The following RAB11FIP3 variants were observed in gnomAD, a reference collection of about 807,000 sequenced individuals.
The protein encoded by RAB11FIP3 is RAB11 family interacting protein 3.
Under a neutral mutation model 77.8 loss-of-function variants are expected in RAB11FIP3, and 17 were observed. That is an observed-to-expected ratio of 0.22 (90% CI 0.15 to 0.33). The LOEUF (loss-of-function observed/expected upper bound fraction) is 0.33, where lower values mean the gene tolerates loss of function less well. Ranked by LOEUF, RAB11FIP3 falls within the 10% of genes least tolerant of loss-of-function variation. The probability of loss-of-function intolerance (pLI) is 1.00; values close to 1 mark genes in which losing one functional copy is unlikely to be tolerated. For missense variants in RAB11FIP3, 1,005 were observed against 1,011.2 expected, an observed-to-expected ratio of 0.99 and a Z score of 0.08; for synonymous variants, 437 against 448.2, an observed-to-expected ratio of 0.98 and a Z score of 0.31.
At chr16:482,931 A>C (rs2056076351) in intron 4 of RAB11FIP3, among the ~76,000 whole-genome samples, 195 bp downstream of exon 4, 1 of 152,136 alleles carries the variant, frequency 6.6e-6, no homozygotes, top group African/African-American at 2.4e-5. Flanking sequence ...TTGCCCGAGC[A>C]GTCTCCCTGT....
At chr16:427,184 A>T (rs1461646531) in intron 1 of RAB11FIP3, among the ~76,000 whole-genome samples, 1 of 152,220 alleles carries the variant, frequency 6.6e-6, no homozygotes, top group African/African-American at 2.4e-5. Flanking sequence ...GATCCTACTG[A>T]TAGACACCTA....
intron 3 of RAB11FIP3, among the ~76,000 whole-genome samples, chr16:479,346 C>G (rs992705673): frequency 3.3e-5 from 5 of 150,870 alleles, no homozygotes; most frequent in Admixed American, 2.0e-4. Context: ...GAGCCAAGAC[C>G]GCACGACTGC....
chr16:491,896 A>G (rs1188626493), intron 5 of RAB11FIP3, among the ~76,000 whole-genome samples: 1 of 152,264 alleles, frequency 6.6e-6, no homozygotes, highest in Non-Finnish European at 1.5e-5. Context: ...AGCTTTCCAC[A>G]GCAGCCCTAG....
intron 3 of RAB11FIP3, 185 bp from the exon 4 acceptor site, chr16:482,340 G>A (rs1275889228): frequency 2.8e-6 from 2 of 715,680 alleles, no homozygotes; most frequent in Non-Finnish European, 5.0e-6. Context: ...ACAGGCGTGA[G>A]TCACCGCGCC....
intron 1 of RAB11FIP3, among the ~76,000 whole-genome samples, chr16:442,196 C>T (rs952155486): frequency 1.3e-5 from 2 of 152,148 alleles, no homozygotes; most frequent in Non-Finnish European, 2.9e-5. Context: ...AGCGCAGTGG[C>T]TGTTTATAGG....
chr16:485,207 G>A (rs556944665), intron 4 of RAB11FIP3, among the ~76,000 whole-genome samples: 8 of 152,256 alleles, frequency 5.3e-5, no homozygotes, highest in African/African-American at 7.2e-5. Flanking sequence ...GTCAGTGAGC[G>A]TGGCTGTGTC....
intron 1 of RAB11FIP3, among the ~76,000 whole-genome samples, chr16:439,122 A>G (rs1261186472): frequency 6.6e-6 from 1 of 152,230 alleles, no homozygotes; most frequent in Admixed American, 6.5e-5. Flanking sequence ...CGTAGCTGGC[A>G]CTACAGGTGT....
Position 521,731 on chromosome 16 carries a change from G to C in RAB11FIP3, c.*892G>C, listed in dbSNP as rs183291067. 1.3e-5 allele frequency: 2 copies of C among 152,260 alleles called. No individual in the cohort carries two copies. The highest frequency in any genetic ancestry group is 4.8e-5 in the African/African-American group (2 of 41,438). 9.4% of individuals were successfully genotyped at this position (152,260 alleles called of 1,614,324 possible). On this transcript the variant is annotated 3_prime_UTR_variant, in exon 14 of 14. Coordinates refer to ENST00000262305, the MANE Select transcript of RAB11FIP3 (RefSeq NM_014700.4). ...CTTCTCCACAGGTGCGGCCTGGCCC[G>C]GCCTCCTAAAGGCCACACCCTCCCC...
chr16:475,589 C>T (rs80226184), intron 3 of RAB11FIP3, among the ~76,000 whole-genome samples: 1 of 152,166 alleles, frequency 6.6e-6, no homozygotes, highest in African/African-American at 2.4e-5. Context: ...CAGAAACCAA[C>T]CCGCAGGGCT....
chr16:449,831 A>T (rs2055378144), intron 1 of RAB11FIP3, among the ~76,000 whole-genome samples: 1 of 151,202 alleles, frequency 6.6e-6, no homozygotes, highest in Non-Finnish European at 1.5e-5. Flanking sequence ...GGCATCTGTA[A>T]TCCCAGCTGT....
intron 5 of RAB11FIP3, among the ~76,000 whole-genome samples, chr16:493,217 C>T (rs1326935739): frequency 6.7e-6 from 1 of 149,256 alleles, no homozygotes; most frequent in African/African-American, 2.5e-5. Context: ...TGCCACTGCA[C>T]TCCAGCCTGG....
intron 8 of RAB11FIP3, among the ~76,000 whole-genome samples, chr16:509,226 A>T (rs2141877818): frequency 6.6e-6 from 1 of 152,176 alleles, no homozygotes; most frequent in East Asian, 1.9e-4. Context: ...TGTCCTTCCC[A>T]CGCTTTCAGT....
At position 426,576 on chromosome 16, in the gene RAB11FIP3, C is replaced by T. The variant is rs559161763; in HGVS notation, c.570C>T (p.Thr190=). 1.3e-6 allele frequency: 2 copies of T among 1,595,666 alleles called. No homozygotes were observed. The highest frequency in any genetic ancestry group is 2.3e-5 in the East Asian group (1 of 43,732). Residue 190 remains threonine (T), a synonymous_variant, in exon 1 of 14, where the codon ACC becomes ACT. Transcript: ENST00000262305. The surrounding 1 kb of genome is among the most constrained non-coding windows in gnomAD (Gnocchi z 5.0). ...CGCAGCCCTCGGACCTCAGCCAGAC[C>T]CACCCCCTTCCGAGCGAGCCCGTGG... ...SPPQPSDLSQ[T]HPLPSEPVGS...
Position 503,564 on chromosome 16 carries a change from A to G in RAB11FIP3, c.1395+467A>G, listed in dbSNP as rs147841084. On this transcript the variant is annotated intron_variant, in intron 7 of 13. Transcript: ENST00000262305. ...TGGAATGGGTGACAGCAGCCAGGGC[A>G]AGGCAGCCTTGCCGTGGTCAAGACC... 2.7e-3 allele frequency among the ~76,000 whole-genome samples: 412 copies of G among 152,226 alleles called. 3 individuals carry two copies. The East Asian group carries it at 0.033, about 12-fold the overall frequency.
chr16:511,915 TAGG>T (rs1404132891), intron 9 of RAB11FIP3, among the ~76,000 whole-genome samples: 12 of 91,952 alleles, frequency 1.3e-4, no homozygotes, highest in African/African-American at 4.9e-4. Flanking sequence ...GCAGGCCAGG[TAGG>T]AGAAGTTCCC....
At chr16:469,565 G>T (rs1488874099) in intron 2 of RAB11FIP3, among the ~76,000 whole-genome samples, 1 of 150,952 alleles carries the variant, frequency 6.6e-6, no homozygotes, top group Non-Finnish European at 1.5e-5. Context: ...CTGGCTAATT[G>T]TTTTTGTGGA....
intron 1 of RAB11FIP3, among the ~76,000 whole-genome samples, chr16:441,052 C>T (rs946078830): frequency 6.6e-5 from 10 of 152,206 alleles, no homozygotes; most frequent in East Asian, 1.9e-4. Flanking sequence ...GCGATTCTCC[C>T]GCGTCTGCCT....
chr16:426,232 C>T lies in RAB11FIP3; in HGVS notation c.226C>T (p.Pro76Ser). 14 of 1,056,310 alleles carry T rather than the reference C, an allele frequency of 1.3e-5. No homozygotes were observed. The highest frequency in any genetic ancestry group is 1.6e-5 in the Non-Finnish European group (14 of 877,556). 65.4% of individuals were successfully genotyped at this position (1,056,310 alleles called of 1,614,324 possible). A position where few individuals can be genotyped will look rare whatever the true frequency, so the allele number is the denominator to read the frequency against. The change falls in exon 1 of 14, where the codon CCG becomes TCG. Residue 76 changes from proline (P) to serine (S), a missense_variant. By Grantham distance (74) the Pro-to-Ser change is moderately conservative. Transcript: ENST00000262305. The surrounding 1 kb of genome is among the most constrained non-coding windows in gnomAD (Gnocchi z 5.0). ...GGARWSAGPA[P>S]GLEGGPRDPG... is the part of the protein sequence containing the mutation. ...GGCGCGTTGGAGCGCCGGGCCGGCC[C>T]CGGGGCTGGAGGGAGGCCCGCGAGA...
intron 3 of RAB11FIP3, 140 bp from the exon 4 acceptor site, chr16:482,385 C>T (rs1197492944): frequency 8.7e-6 from 7 of 803,456 alleles, no homozygotes; most frequent in Non-Finnish European, 1.3e-5. Flanking sequence ...AATGTCTCTG[C>T]TTAGAGACAG....
Sources: gnomAD v4.1 joint callset for allele counts (sites outside exome capture counted in the v4.1 genomes callset) on GRCh38, gnomAD v4.1.1 for gene constraint, Gnocchi (gnomAD v3.1) non-coding constraint, MANE v1.5 for transcripts, NCBI Gene and HGNC (gene_info 2026-07-23, HGNC 2026-07-21) for gene names.